The following CCT2 variants were observed in gnomAD, a reference collection of about 807,000 sequenced individuals.
The protein encoded by CCT2 is chaperonin containing TCP1 subunit 2, also known as T-complex protein 1 subunit beta.
Under a neutral mutation model 61.8 loss-of-function variants are expected in CCT2, and 18 were observed. The ratio of observed to expected loss-of-function variants is 0.29; its 90% CI spans 0.20 to 0.43. CCT2 has a LOEUF of 0.43. Ranked by LOEUF, CCT2 falls within the 20% of genes least tolerant of loss-of-function variation. The pLI is 1.00. For synonymous variants in CCT2, 248 were observed against 215.9 expected, an observed-to-expected ratio of 1.15 and a Z score of -1.30; for missense variants, 556 against 656.9, an observed-to-expected ratio of 0.85 and a Z score of 1.68.
chr12:69,589,341 C>T, intron 6 of CCT2, 144 bp from the exon 7 acceptor site: 12 of 606,470 alleles, frequency 2.0e-5, no homozygotes, highest in Admixed American at 3.2e-5. Context: ...ATTTGTGTTT[C>T]TTGATTACTG....
chr12:69,593,674 G>T, intron 10 of CCT2, 61 bp downstream of exon 10: 5 of 992,880 alleles, frequency 5.0e-6, no homozygotes, highest in Non-Finnish European at 7.9e-6. Flanking sequence ...TTTGTTATTT[G>T]TTACTATATG....
In CCT2 at chr12:69,588,236, G is replaced by A. The variant is rs767503874; in HGVS notation, c.420G>A (p.Ala140=). The change falls in exon 6 of 16, where the codon GCG becomes GCA. Residue 140 remains alanine, a synonymous_variant. Transcript: ENST00000299300. ...AAGCCACGAAGGCTGCAAGAGAGGCGCTGTTGAGTTCTGCAGTTGATCATG... is the reference window on the plus strand; with the variant it reads ...AAGCCACGAAGGCTGCAAGAGAGGCACTGTTGAGTTCTGCAGTTGATCATG... ...WREATKAARE[A]LLSSAVDHGS... 5.0e-6 allele frequency: 8 copies of A among 1,613,584 alleles called. No individual in the cohort carries two copies. The highest frequency in any genetic ancestry group is 1.3e-5 in the African/African-American group (1 of 75,036).
chr12:69,600,880 A>G (rs919786408), intron 15 of CCT2, among the ~76,000 whole-genome samples: 7 of 152,164 alleles, frequency 4.6e-5, no homozygotes, highest in Non-Finnish European at 7.3e-5. Context: ...ATGCCCCCTT[A>G]TTGTATGGTC....
chr12:69,597,793 A>G (rs200018734), intron 12 of CCT2, 27 bp downstream of exon 12: 5 of 1,581,744 alleles, frequency 3.2e-6, no homozygotes, highest in Admixed American at 1.7e-5. Context: ...TGTTGAATAT[A>G]TTTTTAATTT....
Position 69,593,513 on chromosome 12 carries a change from A to G in CCT2, c.882A>G (p.Gln294=), listed in dbSNP as rs764887949. 5.6e-6 allele frequency: 9 copies of G among 1,596,056 alleles called. No individual in the cohort carries two copies. Among genetic ancestry groups the G allele is most frequent in the East Asian group, 4.5e-5 (2 of 44,710 alleles). ...TTTTCATGTATTTTATTTACAGGCA[A>G]TTAATTTATAATTATCCTGAACAGC... ...KHGINCFINR[Q]LIYNYPEQLF... Residue 294 remains glutamine, a synonymous_variant, in exon 10 of 16, where the codon CAA becomes CAG. Transcript: ENST00000299300.
intron 6 of CCT2, chr12:69,589,221 G>C: frequency 2.1e-6 from 1 of 472,056 alleles, no homozygotes; most frequent in South Asian, 2.2e-5. Context: ...CACTGTGCCC[G>C]GCCATTTCTC....
At chr12:69,589,355 A>T (rs1242451065) in intron 6 of CCT2, 130 bp from the exon 7 acceptor site, 1 of 646,372 alleles carries the variant, frequency 1.5e-6, no homozygotes, top group Non-Finnish European at 2.6e-6. Flanking sequence ...ATTACTGCTG[A>T]GGTTTAATTC....
Position 69,593,507 on chromosome 12 carries a change from C to T in CCT2, c.879-3C>T, listed in dbSNP as rs753388666. 33 of 1,575,572 alleles carry T rather than the reference C, an allele frequency of 2.1e-5. No individual in the cohort carries two copies. Among genetic ancestry groups the T allele is most frequent in the Non-Finnish European group, 2.5e-5 (29 of 1,148,192 alleles). On this transcript the variant is annotated splice_polypyrimidine_tract_variant and splice_region_variant and intron_variant, in intron 9 of 15. Coordinates refer to ENST00000299300, the MANE Select transcript of CCT2 (RefSeq NM_006431.3). The stretch of plus-strand genomic sequence containing the variant: ...ATAATGTTTTCATGTATTTTATTTA[C>T]AGGCAATTAATTTATAATTATCCTG...
At chr12:69,590,632 G>C (rs1881807459) in intron 7 of CCT2, among the ~76,000 whole-genome samples, 1 of 151,756 alleles carries the variant, frequency 6.6e-6, no homozygotes, top group African/African-American at 2.4e-5. Flanking sequence ...TTTGTTCTGT[G>C]TCATAGGTCT....
chr12:69,586,334 C>G lies in CCT2; in HGVS notation c.68C>G (p.Thr23Arg), dbSNP rs1427365317. ...KAGADEERAE[T>R]ARLTSFIGAI... ...GGAGCTGATGAAGAGAGAGCAGAGA[C>G]AGCTCGTCTGGTAAGCCTTGTTCTA... Residue 23 changes from threonine to arginine, a missense_variant, in exon 2 of 16, where the codon ACA becomes AGA. By Grantham distance (71) the Thr-to-Arg change is moderately conservative. Around this residue, in one of 3 missense-constraint regions of CCT2, gnomAD observed 308 missense variants for 350.6 expected, o/e 0.88. Transcript: ENST00000299300. 1 of 1,610,466 alleles carries G rather than the reference C, an allele frequency of 6.2e-7. No homozygotes were observed. The highest frequency in any genetic ancestry group is 1.7e-4 in the Middle Eastern group (1 of 6,060).
chr12:69,598,487 T>C, intron 14 of CCT2, 66 bp downstream of exon 14: 1 of 1,003,506 alleles, frequency 1.0e-6, no homozygotes, highest in Non-Finnish European at 1.5e-6. Context: ...GCTTTTTTTT[T>C]CTTTTGGAAC....
At chr12:69,597,503 G>T in intron 11 of CCT2, 135 bp from the exon 12 acceptor site, 3 of 1,072,302 alleles carry the variant, frequency 2.8e-6, no homozygotes, top group South Asian at 1.6e-5. Flanking sequence ...ACCATTATGA[G>T]CCTTGATTGT....
intron 4 of CCT2, 113 bp downstream of exon 4, chr12:69,587,729 A>G: frequency 1.3e-6 from 1 of 747,710 alleles, no homozygotes; most frequent in Non-Finnish European, 2.3e-6. Flanking sequence ...GATGTCCACT[A>G]GTTGTTAATT....
chr12:69,596,130 A>G (rs1255235630), intron 10 of CCT2, among the ~76,000 whole-genome samples: 1 of 152,210 alleles, frequency 6.6e-6, no homozygotes, highest in African/African-American at 2.4e-5. Flanking sequence ...TCATAAGCCA[A>G]GTTAGTCTTA....
intron 9 of CCT2, 82 bp downstream of exon 9, chr12:69,593,185 T>G: frequency 7.2e-6 from 9 of 1,256,208 alleles, no homozygotes; most frequent in Non-Finnish European, 9.9e-6. Flanking sequence ...GAATTAGATT[T>G]TTTACCTAGG....
chr12:69,586,069 G>T (rs2135848004), intron 1 of CCT2: 13 of 1,347,992 alleles, frequency 9.6e-6, no homozygotes, highest in South Asian at 1.6e-5. Context: ...TTGTAAATCC[G>T]AAAAGCCATG....
rs750908107 is a variant in CCT2, at chr12:69,592,820, T to G, written c.751-156T>G. The stretch of plus-strand genomic sequence containing the variant: ...GCGCACACCTGTAATCCCAGCTGCT[T>G]GGAAGGCTGAGGCAGGAGAATCACT... On this transcript the variant is annotated intron_variant, in intron 8 of 15. Transcript: ENST00000299300. The G allele has an allele frequency of 2.2e-4, 121 of 543,454 alleles. 1 individual carries two copies. The highest frequency in any genetic ancestry group is 3.4e-4 in the Non-Finnish European group (107 of 318,938). 33.7% of individuals were successfully genotyped at this position (543,454 alleles called of 1,614,324 possible).
At chr12:69,589,191 C>CT (rs1748943911) in intron 6 of CCT2, 2 of 401,232 alleles carry the variant, frequency 5.0e-6, no homozygotes, top group South Asian at 4.6e-5. Context: ...TCCCAAAGTG[C>CT]TAGGATTACA....
rs1437629216 is a variant in CCT2, at chr12:69,592,846, T to G, written c.751-130T>G. On this transcript the variant is annotated intron_variant, in intron 8 of 15. Transcript: ENST00000299300. ...GGAAGGCTGAGGCAGGAGAATCACT[T>G]GAACCCAGCGGGTGGAGGTTGCAGT... 5 of 723,916 alleles carry G rather than the reference T, an allele frequency of 6.9e-6. No individual in the cohort carries two copies. In the African/African-American group the frequency reaches 7.3e-5, roughly 11 times the overall value. 44.8% of individuals were successfully genotyped at this position (723,916 alleles called of 1,614,324 possible).
Sources: allele counts gnomAD v4.1 joint callset (sites outside exome capture counted in the v4.1 genomes callset), GRCh38; gene constraint gnomAD v4.1.1; regional missense constraint gnomAD v4.1.1; transcripts MANE v1.5; gene names NCBI Gene and HGNC (gene_info 2026-07-23, HGNC 2026-07-21).